Variants in DZANK1 observed in about 807,000 individuals in gnomAD.
DZANK1 encodes the protein double zinc ribbon and ankyrin repeat domains 1, also known as double zinc ribbon and ankyrin repeat-containing protein 1.
Under a neutral mutation model 94.5 loss-of-function variants are expected in DZANK1, and 91 were observed. The observed-to-expected ratio is 0.96, with a 90% confidence interval of 0.81 to 1.15. The LOEUF (loss-of-function observed/expected upper bound fraction) is 1.15. Among genes scored for constraint, DZANK1 ranks in the 50% most tolerant of loss-of-function variants. The pLI is 0.00. For synonymous variants in DZANK1, 312 were observed against 325.3 expected (o/e 0.96, Z 0.44); for missense variants, 903 against 916.4 (o/e 0.99, Z 0.19).
At chr20:18,439,480 A>C (rs1239685770) in intron 8 of DZANK1, among the ~76,000 whole-genome samples, 1 of 152,124 alleles carries the variant, frequency 6.6e-6, no homozygotes, top group Non-Finnish European at 1.5e-5. Context: ...GATACACTAG[A>C]AGGCTGCCCG....
At chr20:18,460,082 A>G in intron 3 of DZANK1, 71 bp downstream of exon 3, 1 of 1,170,302 alleles carries the variant, frequency 8.5e-7, no homozygotes, top group South Asian at 2.7e-5. Flanking sequence ...TCTGATAGGA[A>G]AAAATGAATA....
intron 13 of DZANK1, among the ~76,000 whole-genome samples, chr20:18,407,580 G>C (rs553632563): frequency 1.3e-5 from 2 of 152,246 alleles, no homozygotes; most frequent in African/African-American, 4.8e-5. Context: ...AAATAAATAA[G>C]ACACCATGGA....
chr20:18,398,311 T>C (rs2056469471), intron 14 of DZANK1: 2 of 545,008 alleles, frequency 3.7e-6, no homozygotes, highest in Admixed American at 3.0e-5. Context: ...TTGTCTTAGG[T>C]CAGGTGCCCC....
intron 6 of DZANK1, 51 bp downstream of exon 6, chr20:18,452,564 T>C (rs2059140511): frequency 1.3e-6 from 2 of 1,534,668 alleles, no homozygotes; most frequent in African/African-American, 2.8e-5. Flanking sequence ...ATGGGAGCAT[T>C]AAAAATATAG....
intron 10 of DZANK1, among the ~76,000 whole-genome samples, chr20:18,418,227 G>T (rs909829829): frequency 5.9e-5 from 9 of 152,254 alleles, no homozygotes; most frequent in Non-Finnish European, 7.3e-5. Context: ...GGAGCTAAGG[G>T]TAGTCTACAT....
At chr20:18,402,140 G>A (rs966500334) in intron 13 of DZANK1, among the ~76,000 whole-genome samples, 1 of 152,144 alleles carries the variant, frequency 6.6e-6, no homozygotes, top group African/African-American at 2.4e-5. Flanking sequence ...CAGTAAAATT[G>A]TTAGAGTAGG....
At chr20:18,443,394 C>G in exon 8 of DZANK1, 1 of 1,546,504 alleles carries the variant, frequency 6.5e-7, no homozygotes, top group Non-Finnish European at 8.7e-7. Flanking sequence ...ATGGGTGGGA[C>G]AGGAGAGCCA....
intron 8 of DZANK1, among the ~76,000 whole-genome samples, chr20:18,437,175 A>C (rs2148650748): frequency 6.6e-6 from 1 of 152,342 alleles, no homozygotes; most frequent in South Asian, 2.1e-4. Context: ...AAATGACATA[A>C]GATTGTATAA....
At chr20:18,389,879 G>T (rs2055862244) in intron 18 of DZANK1, 51 bp from the exon 19 acceptor site, 1 of 1,605,278 alleles carries the variant, frequency 6.2e-7, no homozygotes, top group African/African-American at 1.3e-5. Context: ...GCACTCAACA[G>T]CATCCAGTCG....
At chr20:18,388,313 C>T (rs1352358186) in intron 19 of DZANK1, among the ~76,000 whole-genome samples, 5 of 152,172 alleles carry the variant, frequency 3.3e-5, no homozygotes, top group Admixed American at 1.3e-4. Flanking sequence ...ACTTTACAGA[C>T]ATGCAATGAG....
At chr20:18,436,973 T>C (rs1170517951) in intron 8 of DZANK1, among the ~76,000 whole-genome samples, 2 of 152,158 alleles carry the variant, frequency 1.3e-5, no homozygotes, top group East Asian at 3.8e-4. Flanking sequence ...ATAAACATTC[T>C]GACGTACACA....
chr20:18,412,853 G>C, intron 12 of DZANK1: 1 of 1,613,394 alleles, frequency 6.2e-7, no homozygotes. Flanking sequence ...GCACATCGGG[G>C]CCATGCGTGA....
At chr20:18,393,717 C>T in exon 17 of DZANK1, 2 of 1,602,290 alleles carry the variant, frequency 1.2e-6, no homozygotes, top group Non-Finnish European at 1.7e-6. Context: ...TTACTATAAG[C>T]TGCTCCTTCT....
At chr20:18,455,406 G>C (rs1568548064) in intron 3 of DZANK1, 45 bp from the exon 4 acceptor site, 1 of 1,393,368 alleles carries the variant, frequency 7.2e-7, no homozygotes, top group African/African-American at 1.5e-5. Context: ...GTTACACAAA[G>C]ATTTTTTAAA....
chr20:18,426,392 T>C (rs557208059), intron 10 of DZANK1, among the ~76,000 whole-genome samples: 1 of 151,224 alleles, frequency 6.6e-6, no homozygotes, highest in African/African-American at 2.5e-5. Context: ...AATAACCACA[T>C]TGTCCAGTTT....
exon 21 of DZANK1, chr20:18,384,253 T>G (rs2048345497): frequency 1.4e-6 from 1 of 730,896 alleles, no homozygotes; most frequent in Non-Finnish European, 2.1e-6. Flanking sequence ...GAGACGGGGT[T>G]TCTCCATGTT....
chr20:18,451,370 A>G (rs1324574554), intron 6 of DZANK1, among the ~76,000 whole-genome samples: 1 of 152,072 alleles, frequency 6.6e-6, no homozygotes, highest in Non-Finnish European at 1.5e-5. Flanking sequence ...TCTCCTTGAA[A>G]TTCTTTCATC....
intron 8 of DZANK1, among the ~76,000 whole-genome samples, chr20:18,438,237 AAAGAAATAACACAAAAG>A (rs1403990337): frequency 7.9e-4 from 106 of 134,878 alleles, no homozygotes; most frequent in African/African-American, 2.7e-3. Context: ...AAAAAAAAAA[AAAGAAATAACACAAAAG>A]AAAGCAGTAA....
At position 18,405,153 on chromosome 20, in the gene DZANK1, T is replaced by A. The variant is rs542308978; in HGVS notation, c.1433-6527A>T. ...TGAGATTGCAGTGAGCTGTGATTTG[T>A]ATCATTGCACTCCAGCCTGGGTAAC... On this transcript the variant is annotated intron_variant, in intron 13 of 20. Coordinates refer to ENST00000262547, the Ensembl canonical transcript of DZANK1. Among the ~76,000 whole-genome samples the A allele has an allele frequency of 2.1e-5, 3 of 142,962 alleles. No homozygotes were observed. In the South Asian group the frequency reaches 6.8e-4, roughly 33 times the overall value. 93.8% of individuals were successfully genotyped at this position (142,962 alleles called of 152,430 possible).
Sources: allele counts gnomAD v4.1 joint callset (sites outside exome capture counted in the v4.1 genomes callset), GRCh38; gene constraint gnomAD v4.1.1; transcripts MANE v1.5; gene names NCBI Gene and HGNC (gene_info 2026-07-23, HGNC 2026-07-21).